Variants in ASH1L observed in about 807,000 individuals in gnomAD.
ASH1L encodes histone-lysine N-methyltransferase ASH1L.
A neutral mutation model predicts 269.0 loss-of-function variants in ASH1L; 23 were observed. The observed-to-expected ratio is 0.09, with a 90% CI of 0.06 to 0.12. ASH1L has a LOEUF of 0.12. Ranked by LOEUF, ASH1L falls within the 10% of genes least tolerant of loss-of-function variation. The pLI is 1.00. For missense variants in ASH1L, 2,912 were observed against 3,567.8 expected (o/e 0.82, Z 4.68); for synonymous variants, 1,187 against 1,253.5 (o/e 0.95, Z 1.12).
chr1:155,457,302 A>G (rs1663931873), intron 4 of ASH1L, among the ~76,000 whole-genome samples: 1 of 152,196 alleles, frequency 6.6e-6, no homozygotes, highest in Non-Finnish European at 1.5e-5. Context: ...CTCTGAATGA[A>G]AAAAACATAC....
intron 15 of ASH1L, among the ~76,000 whole-genome samples, chr1:155,354,954 A>G (rs993789344): frequency 1.1e-4 from 16 of 152,222 alleles, no homozygotes; most frequent in African/African-American, 3.9e-4. Flanking sequence ...AGGATCAGCT[A>G]TAACAAGGAG....
chr1:155,475,914 A>G (rs1665501445), intron 3 of ASH1L, among the ~76,000 whole-genome samples: 1 of 152,166 alleles, frequency 6.6e-6, no homozygotes, highest in Non-Finnish European at 1.5e-5. Context: ...TTTGTTTATT[A>G]TCTACCTCCT....
At chr1:155,469,208 G>A (rs1664911508) in intron 3 of ASH1L, among the ~76,000 whole-genome samples, 1 of 150,744 alleles carries the variant, frequency 6.6e-6, no homozygotes, top group South Asian at 2.1e-4. Flanking sequence ...TTTTGAGACG[G>A]AGTTTCTCTC....
At position 155,479,962 on chromosome 1, in the gene ASH1L, T is replaced by C; in HGVS notation, c.2908A>G (p.Ile970Val). 6.2e-7 allele frequency: 1 copy of C among 1,613,424 alleles called. No homozygotes were observed. Among genetic ancestry groups the C allele is most frequent in the South Asian group, 1.1e-5 (1 of 91,006 alleles). The change falls in exon 3 of 28, where the codon ATT (isoleucine) becomes GTT (valine). Residue 970 changes from isoleucine (I) to valine (V), a missense_variant. By Grantham distance (29) the Ile-to-Val change is conservative (BLOSUM62 3). Transcript: ENST00000392403. ...SDLEMEPDKKITKRNNGQLMK... is the reference protein window; with the variant it reads ...SDLEMEPDKKVTKRNNGQLMK... Reference sequence around the variant, plus strand: ...AATTGTCCATTGTTTCTCTTGGTAATTTTTTTATCTGGTTCCATCTCAAGG... The same window carrying C: ...AATTGTCCATTGTTTCTCTTGGTAACTTTTTTATCTGGTTCCATCTCAAGG...
chr1:155,342,489 C>T (rs1370766014), intron 24 of ASH1L, among the ~76,000 whole-genome samples: 1 of 152,146 alleles, frequency 6.6e-6, no homozygotes, highest in Non-Finnish European at 1.5e-5. Flanking sequence ...AAGGAGGACT[C>T]ATCAGTATCA....
intron 2 of ASH1L, among the ~76,000 whole-genome samples, chr1:155,487,168 A>G (rs1422884374): frequency 6.6e-6 from 1 of 152,226 alleles, no homozygotes; most frequent in Non-Finnish European, 1.5e-5. Context: ...TCCACCTCAA[A>G]AGCAAACAAA....
chr1:155,344,162 G>A, intron 22 of ASH1L, 21 bp downstream of exon 22: 1 of 1,606,270 alleles, frequency 6.2e-7, no homozygotes, highest in African/African-American at 1.3e-5. Context: ...TGACAAGTAG[G>A]ATTAGCTCCT....
intron 7 of ASH1L, 57 bp from the exon 8 acceptor site, chr1:155,380,173 G>T: frequency 7.6e-7 from 1 of 1,324,232 alleles, no homozygotes; most frequent in Non-Finnish European, 1.1e-6. Context: ...CTTATACAAA[G>T]GTGTCAAACA....
chr1:155,514,808 T>C (rs890548315), intron 2 of ASH1L, among the ~76,000 whole-genome samples: 5 of 151,994 alleles, frequency 3.3e-5, no homozygotes, highest in Non-Finnish European at 5.9e-5. Context: ...AGAGCAATCA[T>C]CGAAACTGAT....
At chr1:155,415,948 T>C in intron 5 of ASH1L, 25 bp from the exon 6 acceptor site, 1 of 1,456,700 alleles carries the variant, frequency 6.9e-7, no homozygotes. Context: ...TTAAAGATAA[T>C]TTTATTATGA....
intron 1 of ASH1L, among the ~76,000 whole-genome samples, chr1:155,540,580 G>C (rs182022698): frequency 2.6e-4 from 39 of 152,196 alleles, no homozygotes; most frequent in Admixed American, 2.6e-3. Context: ...GATCAGCCTG[G>C]CAACACAGCA....
At chr1:155,403,226 T>C (rs1659002812) in intron 6 of ASH1L, among the ~76,000 whole-genome samples, 1 of 151,270 alleles carries the variant, frequency 6.6e-6, no homozygotes, top group Admixed American at 6.6e-5. Flanking sequence ...ATGCCTCTAA[T>C]CCCAGCCTTT....
intron 10 of ASH1L, among the ~76,000 whole-genome samples, chr1:155,372,217 C>T (rs1424704922): frequency 6.6e-6 from 1 of 151,900 alleles, no homozygotes; most frequent in Non-Finnish European, 1.5e-5. Context: ...GTTTCGAACT[C>T]CTGACCCCAA....
In ASH1L at chr1:155,382,634, A is replaced by C. The variant is rs548549254; in HGVS notation, c.6104-2518T>G. On this transcript the variant is annotated intron_variant, in intron 7 of 27. Coordinates refer to ENST00000392403, the MANE Select transcript of ASH1L (RefSeq NM_018489.3). ...TCCATGAGTGTTACTGCCCCTGAAG[A>C]CCTTTCAGTAGAACAAGACATACAG... 3.3e-5 allele frequency among the ~76,000 whole-genome samples: 5 copies of C among 152,138 alleles called. No homozygotes were observed. In the South Asian group the frequency reaches 8.3e-4, roughly 25 times the overall value.
At chr1:155,378,847 A>G (rs1396214633) in intron 8 of ASH1L, among the ~76,000 whole-genome samples, 1 of 152,220 alleles carries the variant, frequency 6.6e-6, no homozygotes, top group African/African-American at 2.4e-5. Context: ...ACTGGAGACC[A>G]AAGCTATTCA....
chr1:155,534,325 A>C (rs1318298540), intron 1 of ASH1L, among the ~76,000 whole-genome samples: 2 of 148,630 alleles, frequency 1.3e-5, no homozygotes, highest in African/African-American at 2.5e-5. Flanking sequence ...TTGGTTCTGG[A>C]ATACCAGTCA....
intron 2 of ASH1L, among the ~76,000 whole-genome samples, chr1:155,492,712 T>C (rs1251921223): frequency 6.6e-6 from 1 of 152,076 alleles, no homozygotes; most frequent in Non-Finnish European, 1.5e-5. Flanking sequence ...TATAACTTCA[T>C]AATAACGTTT....
chr1:155,399,560 A>C (rs1658653582), intron 6 of ASH1L, among the ~76,000 whole-genome samples: 1 of 151,900 alleles, frequency 6.6e-6, no homozygotes, highest in Non-Finnish European at 1.5e-5. Flanking sequence ...AACTGCTTGA[A>C]CACAGGAGAC....
At chr1:155,421,317 G>GTTTTTT (rs11442413) in intron 5 of ASH1L, among the ~76,000 whole-genome samples, 1 of 85,890 alleles carries the variant, frequency 1.2e-5, no homozygotes, top group Non-Finnish European at 2.1e-5. Flanking sequence ...AGTACCAACA[G>GTTTTTT]TTTTTTTTTT....
Sources: gnomAD v4.1 joint callset for allele counts (sites outside exome capture counted in the v4.1 genomes callset) on GRCh38, gnomAD v4.1.1 for gene constraint, MANE v1.5 for transcripts, NCBI Gene and HGNC (gene_info 2026-07-23, HGNC 2026-07-21) for gene names.